The following DNAJC5B variants were observed in gnomAD, a reference collection of about 807,000 sequenced individuals.
The protein encoded by DNAJC5B is dnaJ homolog subfamily C member 5B.
In DNAJC5B, 23 loss-of-function variants were observed where a neutral mutation model predicts 24.7. The observed-to-expected ratio is 0.93, with a 90% CI of 0.67 to 1.32. The LOEUF (loss-of-function observed/expected upper bound fraction) is 1.32, where lower values mean the gene tolerates loss of function less well. DNAJC5B is among the 40% of genes most tolerant of loss of function. The pLI, the probability that DNAJC5B is intolerant of heterozygous loss-of-function variation, is 0.00. For missense variants in DNAJC5B, 238 were observed against 240.8 expected (o/e 0.99, Z 0.08); for synonymous variants, 101 against 90.1 (o/e 1.12, Z -0.68).
At chr8:66,024,225 A>G (rs1454056858) in intron 1 of DNAJC5B, among the ~76,000 whole-genome samples, 3 of 152,204 alleles carry the variant, frequency 2.0e-5, no homozygotes, top group Non-Finnish European at 2.9e-5. Flanking sequence ...GGAGCATAAG[A>G]AAGAGCATTC....
intron 3 of DNAJC5B, among the ~76,000 whole-genome samples, chr8:66,068,159 G>A (rs944106992): frequency 6.6e-6 from 1 of 152,122 alleles, no homozygotes; most frequent in African/African-American, 2.4e-5. Flanking sequence ...ATGTTTTAAT[G>A]CAATGTTTGA....
At chr8:66,061,269 G>A (rs1807074911) in intron 3 of DNAJC5B, among the ~76,000 whole-genome samples, 1 of 152,118 alleles carries the variant, frequency 6.6e-6, no homozygotes, top group Non-Finnish European at 1.5e-5. Context: ...TCCAGCCTGG[G>A]CAACACAGAA....
chr8:66,088,149 T>G (rs1807769163), intron 5 of DNAJC5B, among the ~76,000 whole-genome samples: 2 of 152,184 alleles, frequency 1.3e-5, no homozygotes, highest in Admixed American at 1.3e-4. Context: ...TCTGGTCTTC[T>G]GCACACCAGG....
chr8:66,022,664 G>T (rs183463317), intron 1 of DNAJC5B, among the ~76,000 whole-genome samples: 1 of 152,096 alleles, frequency 6.6e-6, no homozygotes, highest in Non-Finnish European at 1.5e-5. Flanking sequence ...AACACATCAC[G>T]AATAAATATA....
chr8:66,052,920 G>T (rs1010274303), intron 3 of DNAJC5B, among the ~76,000 whole-genome samples: 4 of 151,992 alleles, frequency 2.6e-5, no homozygotes, highest in African/African-American at 7.3e-5. Flanking sequence ...TTGTTTGTTT[G>T]CTTGTTTGTT....
At chr8:66,066,464 G>C (rs1807198493) in intron 3 of DNAJC5B, among the ~76,000 whole-genome samples, 1 of 152,186 alleles carries the variant, frequency 6.6e-6, no homozygotes. Context: ...TGATTGCAAA[G>C]ATACAGAAGC....
At chr8:66,035,339 C>T (rs557157031) in intron 1 of DNAJC5B, among the ~76,000 whole-genome samples, 1 of 152,174 alleles carries the variant, frequency 6.6e-6, no homozygotes. Flanking sequence ...ATCTCTGGTG[C>T]CCGTGGATGT....
intron 3 of DNAJC5B, among the ~76,000 whole-genome samples, chr8:66,065,009 A>G (rs1807159282): frequency 6.6e-6 from 1 of 152,258 alleles, no homozygotes; most frequent in Non-Finnish European, 1.5e-5. Flanking sequence ...AAAATCAAGT[A>G]TAATTCCTCA....
In DNAJC5B at chr8:66,076,826, GACGAAAACGTTA is replaced by G. The variant is rs750237376; in HGVS notation, c.289_300del (p.Glu97_Asn100del). 14 of 1,614,170 alleles carry G rather than the reference GACGAAAACGTTA, an allele frequency of 8.7e-6. No homozygotes were observed. In the African/African-American group the frequency reaches 1.9e-4, roughly 22 times the overall value. The stretch of plus-strand genomic sequence containing the variant: ...ACTCTACGTGGCCGAGCAGTTTGGA[GACGAAAACGTTA>G]ACACCTACTTCATGCTGTCGAGCTG... On this transcript the variant is annotated inframe_deletion, in exon 4 of 6. Coordinates refer to ENST00000276570, the MANE Select transcript of DNAJC5B (RefSeq NM_033105.6).
intron 1 of DNAJC5B, among the ~76,000 whole-genome samples, chr8:66,035,585 G>C (rs1186571723): frequency 4.6e-5 from 7 of 152,202 alleles, no homozygotes; most frequent in African/African-American, 1.7e-4. Flanking sequence ...ATGATTGCTG[G>C]CGGCACAAGA....
At chr8:66,021,451 A>AGAG (rs1235181081), upstream of DNAJC5B, 2 of 152,270 alleles carry the variant, frequency 1.3e-5, no homozygotes, top group African/African-American at 2.4e-5. Context: ...GTGTTGTCCA[A>AGAG]GAGGGCCTCA....
At chr8:66,057,095 C>G (rs987553081) in intron 3 of DNAJC5B, 54 of 152,028 alleles carry the variant, frequency 3.6e-4, no homozygotes, top group African/African-American at 1.3e-3. Context: ...GCCGAGATCG[C>G]GCCACTGCAC....
At chr8:66,018,604 G>A (rs1313968799), upstream of DNAJC5B, among the ~76,000 whole-genome samples, 1 of 152,096 alleles carries the variant, frequency 6.6e-6, no homozygotes, top group African/African-American at 2.4e-5. Flanking sequence ...GGAACTTCTG[G>A]CCTAGAGCAT....
intron 3 of DNAJC5B, among the ~76,000 whole-genome samples, chr8:66,059,694 C>A (rs113686959): frequency 0.016 from 2,394 of 152,270 alleles, 53 homozygotes; most frequent in African/African-American, 0.054. Flanking sequence ...TCTCCCAGGG[C>A]GTGGGAGGCA....
In DNAJC5B at chr8:66,082,559, C is replaced by A. The variant is rs1420336623; in HGVS notation, c.505+2011C>A. ...TGTCTCTCACTGTTCTCAGCTCTGACACCCCAGAGCTATCAATTCCATCAC... is the reference window on the plus strand; with the variant it reads ...TGTCTCTCACTGTTCTCAGCTCTGAAACCCCAGAGCTATCAATTCCATCAC... On this transcript the variant is annotated intron_variant, in intron 5 of 5. Coordinates refer to ENST00000276570, the MANE Select transcript of DNAJC5B (RefSeq NM_033105.6). 2.0e-5 allele frequency among the ~76,000 whole-genome samples: 3 copies of A among 152,144 alleles called. No individual in the cohort carries two copies. In the East Asian group the frequency reaches 5.8e-4, roughly 29 times the overall value.
At chr8:66,093,172 T>C (rs1289527271) in intron 5 of DNAJC5B, among the ~76,000 whole-genome samples, 2 of 152,190 alleles carry the variant, frequency 1.3e-5, no homozygotes, top group African/African-American at 2.4e-5. Flanking sequence ...CTGTCCACTT[T>C]TTGCCATTAC....
At chr8:66,078,027 G>T (rs1251385984) in intron 4 of DNAJC5B, among the ~76,000 whole-genome samples, 1 of 151,750 alleles carries the variant, frequency 6.6e-6, no homozygotes, top group African/African-American at 2.4e-5. Context: ...AGCTTTTGTG[G>T]GTTTGCGTGG....
intron 5 of DNAJC5B, among the ~76,000 whole-genome samples, chr8:66,082,870 A>G (rs991934579): frequency 2.0e-5 from 3 of 152,074 alleles, no homozygotes; most frequent in African/African-American, 7.2e-5. Flanking sequence ...AAATCTAGAA[A>G]AATCGCAATT....
intron 3 of DNAJC5B, among the ~76,000 whole-genome samples, chr8:66,059,716 T>C (rs1807040737): frequency 6.6e-6 from 1 of 152,174 alleles, no homozygotes; most frequent in South Asian, 2.1e-4. Flanking sequence ...TTCATCTCCA[T>C]GTAGTGGCAT....
Sources: allele counts gnomAD v4.1 joint callset (sites outside exome capture counted in the v4.1 genomes callset), GRCh38; gene constraint gnomAD v4.1.1; transcripts MANE v1.5; gene names NCBI Gene and HGNC (gene_info 2026-07-23, HGNC 2026-07-21).